CASP8: variants seen among roughly 807,000 people sequenced by gnomAD.
CASP8 encodes caspase 8.
In CASP8, 24 loss-of-function variants were observed where a neutral mutation model predicts 46.3. That is an observed-to-expected ratio of 0.52 (90% CI 0.38 to 0.73). CASP8 has a LOEUF of 0.73. Ranked by LOEUF, CASP8 falls within the 30% of genes least tolerant of loss-of-function variation. CASP8 has a pLI of 0.00. For missense variants in CASP8, 460 were observed against 559.0 expected (o/e 0.82, Z 1.79); for synonymous variants, 188 against 200.4 (o/e 0.94, Z 0.52).
At chr2:201,258,572 C>T (rs1408003223), upstream of CASP8, among the ~76,000 whole-genome samples, 1 of 152,170 alleles carries the variant, frequency 6.6e-6, no homozygotes, top group African/African-American at 2.4e-5. Flanking sequence ...TCTGACTTTG[C>T]TACTTTTTCA....
intron 2 of CASP8, among the ~76,000 whole-genome samples, chr2:201,269,839 T>C (rs1302337339): frequency 6.6e-6 from 1 of 152,166 alleles, no homozygotes; most frequent in African/African-American, 2.4e-5. Context: ...ATGGTGATGG[T>C]ACAAGAAAGC....
At chr2:201,253,148 A>T (rs1406412644) in intron 2 of CASP8, among the ~76,000 whole-genome samples, 2 of 151,852 alleles carry the variant, frequency 1.3e-5, no homozygotes, top group Non-Finnish European at 2.9e-5. Context: ...CCACTGCACC[A>T]CCACACCCGA....
chr2:201,272,902 A>C lies in CASP8; in HGVS notation c.555A>C (p.Arg185Ser), dbSNP rs199501451. The C allele has an allele frequency of 5.3e-5, 85 of 1,614,138 alleles. 1 individual carries two copies. The Admixed American group carries it at 8.2e-4, about 16-fold the overall frequency. ...INDYEEFSKERSSSLEGSPDE... is the reference protein window; with the variant it reads ...INDYEEFSKESSSSLEGSPDE... ...GGGTTTCCCCTTTTAATTCAGAGAGAAGCAGCAGCCTTGAAGGAAGTCCTG... is the reference window on the plus strand; with the variant it reads ...GGGTTTCCCCTTTTAATTCAGAGAGCAGCAGCAGCCTTGAAGGAAGTCCTG... Residue 185 changes from arginine to serine, a missense_variant, in exon 5 of 9, where the codon AGA becomes AGC. Coordinates refer to ENST00000673742, the MANE Select transcript of CASP8 (RefSeq NM_001372051.1). The surrounding 1 kb of genome is among the most constrained non-coding windows in gnomAD (Gnocchi z 4.4).
upstream of CASP8, chr2:201,260,426 C>G (rs1041912548): frequency 2.1e-6 from 1 of 486,380 alleles, no homozygotes; most frequent in Non-Finnish European, 2.7e-6. Context: ...AGAAGGCACT[C>G]TGCTCACTCA....
chr2:201,275,938 A>G (rs779232238), intron 6 of CASP8, among the ~76,000 whole-genome samples: 6 of 152,292 alleles, frequency 3.9e-5, no homozygotes, highest in Non-Finnish European at 7.4e-5. Context: ...CTTAGAACAC[A>G]ACTGTAAATA....
intron 2 of CASP8, among the ~76,000 whole-genome samples, chr2:201,245,504 G>T (rs974639244): frequency 1.3e-5 from 2 of 152,200 alleles, no homozygotes; most frequent in Admixed American, 6.5e-5. Context: ...GCCTCCCAAA[G>T]TGTTGGGATT....
chr2:201,282,851 G>A (rs1365660196), intron 7 of CASP8, among the ~76,000 whole-genome samples: 10 of 77,136 alleles, frequency 1.3e-4, no homozygotes, highest in South Asian at 1.5e-3. Flanking sequence ...GGACGGGGCG[G>A]CTGGCCGGGC....
chr2:201,284,789 C>T (rs764833075), intron 7 of CASP8, 27 bp from the exon 8 acceptor site: 12 of 1,593,496 alleles, frequency 7.5e-6, no homozygotes, highest in South Asian at 4.4e-5. Context: ...TGTGGTATAA[C>T]GTGACTGTTC....
intron 2 of CASP8, among the ~76,000 whole-genome samples, chr2:201,254,320 A>G (rs1026247260): frequency 6.6e-6 from 1 of 152,166 alleles, no homozygotes; most frequent in Admixed American, 6.5e-5. Flanking sequence ...CAAAAGAAAA[A>G]CTTAAAATCC....
Position 201,278,797 on chromosome 2 carries a change from G to A in CASP8, c.802+1829G>A, listed in dbSNP as rs1165651490. Among the ~76,000 whole-genome samples the A allele has an allele frequency of 2.0e-5, 3 of 152,272 alleles. No homozygotes were observed. The East Asian group carries it at 5.8e-4, about 29-fold the overall frequency. On this transcript the variant is annotated intron_variant, in intron 7 of 8. Transcript: ENST00000673742. The stretch of plus-strand genomic sequence containing the variant: ...TCCACTCGCCTCGGCCTACCAAAGT[G>A]CTGGGATTACAGGTGTGAGCCACTG...
chr2:201,257,078 G>C (rs1179735944), upstream of CASP8, among the ~76,000 whole-genome samples: 1 of 152,070 alleles, frequency 6.6e-6, no homozygotes, highest in African/African-American at 2.4e-5. Flanking sequence ...CCGGGAGGCG[G>C]AGGTTGCTGT....
chr2:201,283,354 G>A (rs1259237052), intron 7 of CASP8, among the ~76,000 whole-genome samples: 1 of 63,658 alleles, frequency 1.6e-5, no homozygotes, highest in Non-Finnish European at 3.5e-5. Context: ...GGGCAGAGGC[G>A]CCCCTCACCT....
intron 7 of CASP8, among the ~76,000 whole-genome samples, chr2:201,280,716 T>G (rs939234678): frequency 2.6e-5 from 4 of 152,160 alleles, no homozygotes; most frequent in African/African-American, 9.7e-5. Flanking sequence ...CAGAGAGATG[T>G]CCCAGGAGAA....
At chr2:201,262,195 T>C (rs916152180) in intron 1 of CASP8, 1 of 152,182 alleles carries the variant, frequency 6.6e-6, no homozygotes, top group Non-Finnish European at 1.5e-5. Context: ...TAAATCTGGC[T>C]GTGGCTCTCT....
intron 1 of CASP8, among the ~76,000 whole-genome samples, chr2:201,265,505 AG>A (rs1947744949): frequency 6.6e-6 from 1 of 152,010 alleles, no homozygotes; most frequent in Non-Finnish European, 1.5e-5. Context: ...GTTGAATGGG[AG>A]GTTGGTCCTA....
At chr2:201,282,052 T>A (rs1167478808) in intron 7 of CASP8, 26 of 193,194 alleles carry the variant, frequency 1.3e-4, no homozygotes, top group African/African-American at 9.1e-4. Context: ...TGAACAAAGG[T>A]CTCTGGTTTT....
chr2:201,238,545 A>G (rs1946156186), intron 2 of CASP8, among the ~76,000 whole-genome samples: 1 of 151,666 alleles, frequency 6.6e-6, no homozygotes, highest in South Asian at 2.1e-4. Flanking sequence ...GGGTTCAAGC[A>G]ATTCTCCTGC....
At chr2:201,245,242 ATTTG>A (rs1225573287) in intron 2 of CASP8, among the ~76,000 whole-genome samples, 1 of 150,210 alleles carries the variant, frequency 6.7e-6, no homozygotes, top group Middle Eastern at 3.2e-3. Context: ...GAGGTTTTTT[ATTTG>A]TTTTTGTTTT....
chr2:201,257,314 T>C (rs1362872956), upstream of CASP8, among the ~76,000 whole-genome samples: 1 of 151,126 alleles, frequency 6.6e-6, no homozygotes, highest in African/African-American at 2.4e-5. Context: ...AATCCCCATC[T>C]CTATTAAAAA....
Sources: allele counts gnomAD v4.1 joint callset (sites outside exome capture counted in the v4.1 genomes callset), GRCh38; gene constraint gnomAD v4.1.1; non-coding constraint Gnocchi (gnomAD v3.1); transcripts MANE v1.5; gene names NCBI Gene and HGNC (gene_info 2026-07-23, HGNC 2026-07-21).